AKIRIN2: variants seen among roughly 807,000 people sequenced by gnomAD.
AKIRIN2 encodes the protein akirin-2.
AKIRIN2 carries 6 observed loss-of-function variants against 29.3 expected under a neutral mutation model. The observed-to-expected ratio is 0.20, with a 90% CI of 0.11 to 0.40. The LOEUF (loss-of-function observed/expected upper bound fraction) is 0.40, where lower values mean the gene tolerates loss of function less well. Ranked by LOEUF, AKIRIN2 falls within the 10% of genes least tolerant of loss-of-function variation. The pLI, the probability that AKIRIN2 is intolerant of heterozygous loss-of-function variation, is 1.00. For missense variants in AKIRIN2, 210 were observed against 276.1 expected, an observed-to-expected ratio of 0.76 and a Z score of 1.70; for synonymous variants, 128 against 117.5, an observed-to-expected ratio of 1.09 and a Z score of -0.58.
intron 1 of AKIRIN2, among the ~76,000 whole-genome samples, chr6:87,686,600 AT>A (rs1291238320): frequency 6.6e-6 from 1 of 151,966 alleles, no homozygotes; most frequent in African/African-American, 2.4e-5. Flanking sequence ...TAGATCAAAC[AT>A]TACGGTTTCG....
At position 87,677,080 on chromosome 6, in the gene AKIRIN2, G is replaced by GA. The variant is rs552579299; in HGVS notation, c.529+737dup. Among the ~76,000 whole-genome samples the GA allele has an allele frequency of 4.1e-3, 457 of 112,580 alleles. 2 individuals carry two copies. Among genetic ancestry groups the GA allele is most frequent in the East Asian group, 9.3e-3 (37 of 3,992 alleles). The allele number at this position is 112,580 out of a possible 152,430, so 73.9% of individuals were successfully genotyped here. On this transcript the variant is annotated intron_variant, in intron 3 of 4. Transcript: ENST00000257787. The stretch of plus-strand genomic sequence containing the variant: ...GTGACAGAGTGAGACTCCGTCTCAG[G>GA]AAAAAAAAAAAAAAAAATTAAAAAC...
chr6:87,687,996 G>A (rs79984436), intron 1 of AKIRIN2, among the ~76,000 whole-genome samples: 3,185 of 152,158 alleles, frequency 0.021, 89 homozygotes, highest in East Asian at 0.15. Context: ...AGCCAGGTGC[G>A]GTGGCTTGCC....
chr6:87,685,819 T>C (rs1461014101), intron 1 of AKIRIN2, among the ~76,000 whole-genome samples: 1 of 152,214 alleles, frequency 6.6e-6, no homozygotes, highest in African/African-American at 2.4e-5. Flanking sequence ...AGCATTTTCA[T>C]TCTCAAACCT....
intron 1 of AKIRIN2, among the ~76,000 whole-genome samples, chr6:87,684,861 T>A (rs1771164651): frequency 6.6e-6 from 1 of 152,206 alleles, no homozygotes; most frequent in South Asian, 2.1e-4. Context: ...TTCATTTCTC[T>A]TGGATAAATA....
intron 1 of AKIRIN2, among the ~76,000 whole-genome samples, chr6:87,689,904 C>T (rs78978934): frequency 0.034 from 5,188 of 152,268 alleles, 296 homozygotes; most frequent in African/African-American, 0.12. Context: ...AAGTTTCTAG[C>T]CCCTGCTTAA....
rs1288251804 is a variant in AKIRIN2 at position 87,701,507 on chromosome 6, TCTG to T, written c.175_177del (p.Gln59del). 1.4e-6 allele frequency: 2 copies of T among 1,459,668 alleles called. No individual in the cohort carries two copies. Among genetic ancestry groups the T allele is most frequent in the African/African-American group, 1.5e-5 (1 of 66,348 alleles). 90.4% of individuals were successfully genotyped at this position (1,459,668 alleles called of 1,614,324 possible). ...GGGGATGGCTCCATTCGGAGATACT[TCTG>T]CGGCGAGGCGGCCGCAGCGGAGAAG... On this transcript the variant is annotated inframe_deletion, in exon 1 of 5. Coordinates refer to ENST00000257787, the MANE Select transcript of AKIRIN2 (RefSeq NM_018064.4).
chr6:87,695,757 A>G (rs537636191), intron 1 of AKIRIN2, among the ~76,000 whole-genome samples: 4 of 152,208 alleles, frequency 2.6e-5, no homozygotes, highest in Non-Finnish European at 5.9e-5. Context: ...TTCTTTTATA[A>G]AGAGAAAAAT....
chr6:87,693,225 T>C (rs1363516623), intron 1 of AKIRIN2, among the ~76,000 whole-genome samples: 4 of 151,632 alleles, frequency 2.6e-5, no homozygotes, highest in African/African-American at 7.3e-5. Flanking sequence ...TGAGACTCCA[T>C]CTCAAAAAAA....
intron 1 of AKIRIN2, chr6:87,700,805 T>TTCCCGATCA (rs1554258155): frequency 6.5e-6 from 1 of 154,800 alleles, no homozygotes; most frequent in Non-Finnish European, 1.5e-5. Flanking sequence ...TGTGATCATA[T>TTCCCGATCA]TACAGTACTC....
At chr6:87,684,583 T>C (rs940685840) in intron 1 of AKIRIN2, among the ~76,000 whole-genome samples, 6 of 152,248 alleles carry the variant, frequency 3.9e-5, no homozygotes, top group African/African-American at 1.2e-4. Context: ...CTGCTATTAC[T>C]ACATAGTTTT....
rs34407487 is a variant in AKIRIN2 at position 87,674,995 on chromosome 6, G to GA, written c.*601dup. ...AGGGCAGTAAAACAATGATACACTG[G>GA]AAAAAAAAAAATGCAGCAATAAACA... is the stretch of plus-strand genomic sequence containing the variant. On this transcript the variant is annotated 3_prime_UTR_variant, in exon 5 of 5. Transcript: ENST00000257787. 59,778 of 131,060 alleles carry GA rather than the reference G, an allele frequency of 0.46. 12,479 individuals are homozygous for GA. The highest frequency in any genetic ancestry group is 0.57 in the Admixed American group (7,674 of 13,556). The allele number at this position is 131,060 out of a possible 1,614,324, so 8.1% of individuals were successfully genotyped here. A position where few individuals can be genotyped will look rare whatever the true frequency, so the allele number is the denominator to read the frequency against.
Position 87,684,138 on chromosome 6 carries a change from T to G in AKIRIN2, c.236-2375A>C, listed in dbSNP as rs567575416. Among the ~76,000 whole-genome samples, 26 of 152,302 alleles carry G rather than the reference T, an allele frequency of 1.7e-4. No individual in the cohort carries two copies. In the South Asian group the frequency reaches 5.4e-3, roughly 32 times the overall value. On this transcript the variant is annotated intron_variant, in intron 1 of 4. Transcript: ENST00000257787. ...TATCTTTTGTGTGACTTATATACGTTCTTTTATCACCACATAGCTGTTCTC... is the reference window on the plus strand; with the variant it reads ...TATCTTTTGTGTGACTTATATACGTGCTTTTATCACCACATAGCTGTTCTC...
At chr6:87,677,735 T>C (rs1042472652) in intron 3 of AKIRIN2, 83 bp downstream of exon 3, 13 of 1,479,372 alleles carry the variant, frequency 8.8e-6, no homozygotes, top group Middle Eastern at 4.4e-4. Flanking sequence ...CACCAGTGTA[T>C]AGAAAGTGAA....
intron 1 of AKIRIN2, among the ~76,000 whole-genome samples, chr6:87,686,779 T>A (rs1480051147): frequency 6.6e-6 from 1 of 151,938 alleles, no homozygotes; most frequent in Admixed American, 6.6e-5. Context: ...GGCGCGGTAG[T>A]TCATGCCTGT....
At chr6:87,682,661 C>T (rs1771137631) in intron 1 of AKIRIN2, among the ~76,000 whole-genome samples, 1 of 152,174 alleles carries the variant, frequency 6.6e-6, no homozygotes. Context: ...TGTGAAACTA[C>T]ATCCCTAGAA....
chr6:87,698,778 G>A (rs1439607740), intron 1 of AKIRIN2, among the ~76,000 whole-genome samples: 1 of 152,110 alleles, frequency 6.6e-6, no homozygotes, highest in African/African-American at 2.4e-5. Flanking sequence ...GCAACAGTTT[G>A]AAAAATATTT....
At chr6:87,676,596 A>AACACACGCGCGCGCACACACAC (rs1485678233) in intron 3 of AKIRIN2, among the ~76,000 whole-genome samples, 1 of 142,046 alleles carries the variant, frequency 7.0e-6, no homozygotes, top group African/African-American at 2.7e-5. Context: ...CTCTACTAAA[A>AACACACGCGCGCGCACACACAC]ACACACACAC....
At chr6:87,700,097 AAC>A (rs982478491) in intron 1 of AKIRIN2, among the ~76,000 whole-genome samples, 8 of 152,286 alleles carry the variant, frequency 5.3e-5, no homozygotes, top group South Asian at 2.1e-4. Context: ...ATCTAATTAA[AAC>A]ACAGTTTAGT....
intron 1 of AKIRIN2, among the ~76,000 whole-genome samples, chr6:87,689,322 C>T (rs1053459118): frequency 1.3e-5 from 2 of 151,974 alleles, no homozygotes; most frequent in African/African-American, 2.4e-5. Flanking sequence ...GCCAACATGG[C>T]AAAACCCCAT....
Sources: allele counts gnomAD v4.1 joint callset (sites outside exome capture counted in the v4.1 genomes callset), GRCh38; gene constraint gnomAD v4.1.1; transcripts MANE v1.5; gene names NCBI Gene and HGNC (gene_info 2026-07-23, HGNC 2026-07-21).